Variants in C1orf87 observed in about 807,000 individuals in gnomAD.
C1orf87 encodes uncharacterized protein C1orf87.
C1orf87 carries 58 observed loss-of-function variants against 60.5 expected under a neutral mutation model. The ratio of observed to expected loss-of-function variants is 0.96; its 90% CI spans 0.78 to 1.19. The LOEUF (loss-of-function observed/expected upper bound fraction) is 1.19. Ranked by LOEUF, C1orf87 falls within the 50% of genes most tolerant of loss-of-function variation. The probability of loss-of-function intolerance (pLI) is 0.00; values close to 1 mark genes in which losing one functional copy is unlikely to be tolerated. For missense variants in C1orf87, 673 were observed against 638.6 expected, an observed-to-expected ratio of 1.05 and a Z score of -0.58; for synonymous variants, 236 against 227.4, an observed-to-expected ratio of 1.04 and a Z score of -0.34.
At chr1:60,058,693 T>G (rs1196455246) in intron 2 of C1orf87, among the ~76,000 whole-genome samples, 1 of 152,226 alleles carries the variant, frequency 6.6e-6, no homozygotes, top group Admixed American at 6.5e-5. Context: ...GGCCTAACTC[T>G]ATTTACATGG....
chr1:60,012,188 AC>A (rs1372818666), intron 8 of C1orf87, among the ~76,000 whole-genome samples: 6 of 151,366 alleles, frequency 4.0e-5, no homozygotes, highest in African/African-American at 1.5e-4. Context: ...GAAAAAAAAA[AC>A]ACAAAACAAC....
In C1orf87 at chr1:60,072,328, TA is replaced by T. The variant is rs201569362; in HGVS notation, c.107+208del. ...TATTTGGAAAATCAGCCCAAGTAAT[TA>T]AGGAGTATGGGGAATTATAAAGATG... On this transcript the variant is annotated intron_variant, in intron 2 of 11. Coordinates refer to ENST00000371201, the MANE Select transcript of C1orf87 (RefSeq NM_152377.3). Among the ~76,000 whole-genome samples the T allele has an allele frequency of 1.9e-3, 287 of 152,214 alleles. 5 individuals carry two copies. Among genetic ancestry groups the T allele is most frequent in the Admixed American group, 0.017 (257 of 15,298 alleles).
intron 3 of C1orf87, among the ~76,000 whole-genome samples, chr1:60,043,390 CT>C (rs573266199): frequency 2.7e-5 from 4 of 149,450 alleles, no homozygotes; most frequent in Admixed American, 6.7e-5. Context: ...CAATTTCACT[CT>C]TTTTTTTTTG....
At chr1:60,025,138 T>C (rs1456108434) in intron 8 of C1orf87, among the ~76,000 whole-genome samples, 3 of 152,186 alleles carry the variant, frequency 2.0e-5, no homozygotes, top group Non-Finnish European at 4.4e-5. Flanking sequence ...CTTAAGTTCT[T>C]GCTGAGGACC....
At chr1:60,059,966 G>A (rs1462964011) in intron 2 of C1orf87, among the ~76,000 whole-genome samples, 2 of 152,074 alleles carry the variant, frequency 1.3e-5, no homozygotes, top group Non-Finnish European at 2.9e-5. Context: ...AAATAAAATC[G>A]GAAATGGGAG....
At chr1:60,027,461 G>A (rs532708392) in intron 7 of C1orf87, among the ~76,000 whole-genome samples, 115 of 152,282 alleles carry the variant, frequency 7.6e-4, no homozygotes, top group African/African-American at 2.6e-3. Context: ...GCCCTGCATG[G>A]TGTGGCCTGG....
chr1:60,058,570 T>C (rs890442914), intron 2 of C1orf87, among the ~76,000 whole-genome samples: 4 of 152,208 alleles, frequency 2.6e-5, no homozygotes, highest in African/African-American at 9.7e-5. Context: ...AGCCACGCTA[T>C]ACTTATTTAT....
intron 5 of C1orf87, among the ~76,000 whole-genome samples, chr1:60,039,227 T>C (rs1414400128): frequency 1.3e-5 from 2 of 152,304 alleles, no homozygotes; most frequent in Admixed American, 6.5e-5. Context: ...TTGTGCTGTC[T>C]ATTGCTTTGC....
intron 7 of C1orf87, among the ~76,000 whole-genome samples, chr1:60,031,896 A>C (rs1645239910): frequency 6.6e-6 from 1 of 152,154 alleles, no homozygotes; most frequent in South Asian, 2.1e-4. Context: ...CTCACAAACA[A>C]GTAAAGGCCC....
At position 60,029,315 on chromosome 1, in the gene C1orf87, C is replaced by T. The variant is rs371843682; in HGVS notation, c.1030-3817G>A. 2.6e-5 allele frequency among the ~76,000 whole-genome samples: 4 copies of T among 152,302 alleles called. No individual in the cohort carries two copies. The East Asian group carries it at 7.7e-4, about 29-fold the overall frequency. On this transcript the variant is annotated intron_variant, in intron 7 of 11. Coordinates refer to ENST00000371201, the MANE Select transcript of C1orf87 (RefSeq NM_152377.3). ...TAATTTCTTGCCTGGATTATTGAAACAGCCTTCTAAAAGGTCTCTCTGCCC... is the reference window on the plus strand; with the variant it reads ...TAATTTCTTGCCTGGATTATTGAAATAGCCTTCTAAAAGGTCTCTCTGCCC...
chr1:60,034,051 C>T (rs1054489071), intron 6 of C1orf87, among the ~76,000 whole-genome samples: 1 of 152,144 alleles, frequency 6.6e-6, no homozygotes, highest in African/African-American at 2.4e-5. Flanking sequence ...CTGCTCACTG[C>T]CACAAGCAAA....
chr1:60,059,971 T>C (rs568284145), intron 2 of C1orf87, among the ~76,000 whole-genome samples: 1 of 151,980 alleles, frequency 6.6e-6, no homozygotes, highest in East Asian at 1.9e-4. Context: ...AAATCGGAAA[T>C]GGGAGGGGAG....
chr1:60,027,698 T>C (rs1477808347), intron 7 of C1orf87, among the ~76,000 whole-genome samples: 1 of 150,566 alleles, frequency 6.6e-6, no homozygotes, highest in Non-Finnish European at 1.5e-5. Flanking sequence ...AGAGGAGAAA[T>C]GTCAGGGAAG....
intron 3 of C1orf87, 113 bp downstream of exon 3, chr1:60,055,091 T>C (rs989844940): frequency 3.0e-6 from 3 of 988,318 alleles, no homozygotes; most frequent in African/African-American, 3.3e-5. Context: ...TTCTATCTCA[T>C]GCAAAATATA....
At chr1:60,035,772 A>G (rs371099808) in intron 6 of C1orf87, among the ~76,000 whole-genome samples, 42 of 152,244 alleles carry the variant, frequency 2.8e-4, no homozygotes, top group African/African-American at 9.4e-4. Flanking sequence ...ATTATTGAGC[A>G]TCTTCTGTAT....
chr1:60,025,134 T>C (rs946828993), intron 8 of C1orf87, among the ~76,000 whole-genome samples: 3 of 152,204 alleles, frequency 2.0e-5, no homozygotes, highest in Non-Finnish European at 4.4e-5. Context: ...GCACCTTAAG[T>C]TCTTGCTGAG....
At chr1:60,010,265 G>A in intron 9 of C1orf87, 127 bp downstream of exon 9, 3 of 845,612 alleles carry the variant, frequency 3.5e-6, no homozygotes, top group Non-Finnish European at 5.8e-6. Flanking sequence ...TCACTGGGGA[G>A]CTATTTACAT....
chr1:60,059,870 T>C (rs1197190676), intron 2 of C1orf87, among the ~76,000 whole-genome samples: 2 of 152,146 alleles, frequency 1.3e-5, no homozygotes, highest in East Asian at 3.9e-4. Flanking sequence ...GGATCTAATT[T>C]CAGTAAATGA....
intron 11 of C1orf87, among the ~76,000 whole-genome samples, chr1:59,995,166 G>A (rs1453258991): frequency 6.7e-6 from 1 of 148,978 alleles, no homozygotes; most frequent in African/African-American, 2.5e-5. Context: ...AGTCTTTGGA[G>A]AGTGTCTTAG....
Sources: gnomAD v4.1 joint callset for allele counts (sites outside exome capture counted in the v4.1 genomes callset) on GRCh38, gnomAD v4.1.1 for gene constraint, MANE v1.5 for transcripts, NCBI Gene and HGNC (gene_info 2026-07-23, HGNC 2026-07-21) for gene names.